The following RARB variants were observed in gnomAD, a reference collection of about 807,000 sequenced individuals.
The protein encoded by RARB is HBV-activated protein.
Under a neutral mutation model 51.9 loss-of-function variants are expected in RARB, and 17 were observed. That is an observed-to-expected ratio of 0.33 (90% CI 0.22 to 0.49). The LOEUF (loss-of-function observed/expected upper bound fraction) is 0.49. RARB is among the 20% of genes least tolerant of loss of function. RARB has a pLI of 0.99. For missense variants in RARB, 369 were observed against 550.8 expected (o/e 0.67, Z 3.30); for synonymous variants, 215 against 195.4 (o/e 1.10, Z -0.84).
chr3:25,420,120 T>A (rs1707818547), intron 5 of RARB, among the ~76,000 whole-genome samples: 1 of 152,180 alleles, frequency 6.6e-6, no homozygotes, highest in African/African-American at 2.4e-5. Context: ...GTGTGTATAA[T>A]GTGCTTTTAT....
chr3:25,053,778 C>A (rs1158370548), intron 2 of RARB, among the ~76,000 whole-genome samples: 1 of 152,158 alleles, frequency 6.6e-6, no homozygotes, highest in Non-Finnish European at 1.5e-5. Context: ...GTACCCAAAT[C>A]AGTTACGGAA....
intron 5 of RARB, among the ~76,000 whole-genome samples, chr3:25,581,726 A>G (rs1340101543): frequency 1.3e-5 from 2 of 152,148 alleles, no homozygotes; most frequent in South Asian, 2.1e-4. Context: ...GTGGAGCCCC[A>G]AGATGGAATC....
intron 2 of RARB, among the ~76,000 whole-genome samples, chr3:24,895,263 G>A (rs1332920902): frequency 6.6e-6 from 1 of 152,066 alleles, no homozygotes; most frequent in South Asian, 2.1e-4. Context: ...AAATAGATTT[G>A]GTCAATATAT....
chr3:25,214,065 C>G (rs1223418470), intron 5 of RARB, among the ~76,000 whole-genome samples: 1 of 152,148 alleles, frequency 6.6e-6, no homozygotes, highest in South Asian at 2.1e-4. Context: ...TGTGAAGATG[C>G]AATACATTTG....
intron 5 of RARB, among the ~76,000 whole-genome samples, chr3:25,581,998 CGGGGTGGAGT>C (rs989111240): frequency 4.4e-4 from 67 of 152,068 alleles, no homozygotes; most frequent in African/African-American, 1.5e-3. Context: ...GGTGCAAGAT[CGGGGTGGAGT>C]GGGGTATACG....
intron 5 of RARB, among the ~76,000 whole-genome samples, chr3:25,182,064 T>C (rs1700872432): frequency 6.6e-6 from 1 of 152,210 alleles, no homozygotes; most frequent in Non-Finnish European, 1.5e-5. Flanking sequence ...ATTAACTTCT[T>C]TGGAATTACA....
At chr3:25,139,570 T>G (rs1287860033) in intron 4 of RARB, among the ~76,000 whole-genome samples, 1 of 152,106 alleles carries the variant, frequency 6.6e-6, no homozygotes, top group Non-Finnish European at 1.5e-5. Flanking sequence ...AGAAGTTGGT[T>G]TCTGAGATTT....
At chr3:25,498,844 A>G (rs1284643638) in intron 2 of RARB, among the ~76,000 whole-genome samples, 7 of 152,206 alleles carry the variant, frequency 4.6e-5, no homozygotes, top group African/African-American at 1.7e-4. Flanking sequence ...GAGTTTCTAC[A>G]TCTGGCAGCA....
At chr3:25,420,390 C>G (rs145342969) in intron 5 of RARB, among the ~76,000 whole-genome samples, 54 of 152,240 alleles carry the variant, frequency 3.5e-4, no homozygotes, top group Middle Eastern at 3.4e-3. Flanking sequence ...TTTTGTGTTG[C>G]TAATAGAACT....
intron 5 of RARB, among the ~76,000 whole-genome samples, chr3:25,369,149 A>G (rs542199305): frequency 6.6e-6 from 1 of 152,278 alleles, no homozygotes; most frequent in African/African-American, 2.4e-5. Flanking sequence ...CTATGTGGTA[A>G]TCACAGAGAA....
intron 5 of RARB, among the ~76,000 whole-genome samples, chr3:25,233,865 A>T (rs1307694141): frequency 6.6e-6 from 1 of 151,716 alleles, no homozygotes; most frequent in East Asian, 1.9e-4. Context: ...TAATCTGTTA[A>T]TGCCATCATT....
chr3:25,307,944 G>A (rs776960451), intron 5 of RARB, among the ~76,000 whole-genome samples: 2 of 152,204 alleles, frequency 1.3e-5, no homozygotes, highest in African/African-American at 2.4e-5. Context: ...GGGTTGAGTC[G>A]TTGGAATAGA....
chr3:25,500,334 AT>A (rs898352654), intron 2 of RARB, among the ~76,000 whole-genome samples: 258 of 151,810 alleles, frequency 1.7e-3, no homozygotes, highest in African/African-American at 5.8e-3. Context: ...ATTTTGGATA[AT>A]TTTTTTAAAT....
intron 2 of RARB, among the ~76,000 whole-genome samples, chr3:24,916,480 G>A (rs1695107715): frequency 6.6e-6 from 1 of 152,092 alleles, no homozygotes; most frequent in Admixed American, 6.6e-5. Flanking sequence ...CAGAATGAAA[G>A]CCCGCATTGG....
chr3:25,509,603 G>T (rs1052814873), intron 3 of RARB, among the ~76,000 whole-genome samples: 2 of 152,190 alleles, frequency 1.3e-5, no homozygotes, highest in Non-Finnish European at 2.9e-5. Flanking sequence ...TAAACCGGGA[G>T]CCAGGTGGCT....
rs186867234 is a variant in RARB, at chr3:24,993,552, T to C, written c.-379-66573T>C. On this transcript the variant is annotated intron_variant, in intron 2 of 11. Coordinates refer to the RARB transcript ENST00000383772. ...CATTCGATATTCTCCTTCTGGCTATTTGAAATTAAATATTATTAACTATAG... is the reference window on the plus strand; with the variant it reads ...CATTCGATATTCTCCTTCTGGCTATCTGAAATTAAATATTATTAACTATAG... 2.8e-3 allele frequency among the ~76,000 whole-genome samples: 425 copies of C among 152,266 alleles called. 1 individual carries two copies. Among genetic ancestry groups the C allele is most frequent in the Non-Finnish European group, 4.8e-3 (327 of 67,990 alleles).
intron 5 of RARB, among the ~76,000 whole-genome samples, chr3:25,292,506 A>G (rs1703814757): frequency 6.6e-6 from 1 of 152,186 alleles, no homozygotes; most frequent in African/African-American, 2.4e-5. Context: ...CTATAGAAAC[A>G]AACCTTTGTA....
Position 25,080,521 on chromosome 3 carries a change from T to C in RARB, c.-328+20345T>C, listed in dbSNP as rs77750847. Among the ~76,000 whole-genome samples the C allele has an allele frequency of 6.2e-4, 95 of 152,346 alleles. No homozygotes were observed. In the East Asian group the frequency reaches 0.017, roughly 27 times the overall value. On this transcript the variant is annotated intron_variant, in intron 3 of 11. Coordinates refer to the RARB transcript ENST00000383772. ...TATTTCCGCAGCAGCTATACCATTT[T>C]GCATTCCCATAAGAAAAATGTGATG...
chr3:25,113,146 C>CATTT (rs1435595960), intron 3 of RARB, among the ~76,000 whole-genome samples: 2 of 152,110 alleles, frequency 1.3e-5, no homozygotes, highest in African/African-American at 4.8e-5. Context: ...TCTCACTGAT[C>CATTT]ATTTCCTTGC....
Sources: allele counts gnomAD v4.1 joint callset (sites outside exome capture counted in the v4.1 genomes callset), GRCh38; gene constraint gnomAD v4.1.1; transcripts MANE v1.5; gene names NCBI Gene and HGNC (gene_info 2026-07-23, HGNC 2026-07-21).